The following ARMC9 variants were observed in gnomAD, a reference collection of about 807,000 sequenced individuals.
ARMC9 encodes armadillo repeat containing 9.
In ARMC9, 94 loss-of-function variants were observed where a neutral mutation model predicts 107.0. The ratio of observed to expected loss-of-function variants is 0.88; its 90% CI spans 0.74 to 1.04. The LOEUF (loss-of-function observed/expected upper bound fraction) is 1.04. Ranked by LOEUF, ARMC9 falls within the 50% of genes least tolerant of loss-of-function variation. ARMC9 has a pLI of 0.00. For missense variants in ARMC9, 942 were observed against 1,030.1 expected (o/e 0.91, Z 1.17); for synonymous variants, 380 against 396.9 (o/e 0.96, Z 0.51).
rs542777185 is a variant in ARMC9 at position 231,344,997 on chromosome 2, C to T, written c.1901C>T (p.Thr634Ile). ...YLGIMTNTGK[T>I]RRKGLANVQW... ...CAGATCATGACCAACACGGGGAAGA[C>T]AAGGCGGAAGGGGCTGGCTAATGTG... is the stretch of plus-strand genomic sequence containing the variant. The change falls in exon 21 of 25, where the codon ACA (threonine) becomes ATA (isoleucine). Residue 634 changes from threonine to isoleucine, a missense_variant. Coordinates refer to ENST00000611582, the MANE Select transcript of ARMC9 (RefSeq NM_001352754.2). The T allele has an allele frequency of 1.2e-6, 2 of 1,613,990 alleles. No individual in the cohort carries two copies. The highest frequency in any genetic ancestry group is 4.5e-5 in the East Asian group (2 of 44,868).
intron 19 of ARMC9, among the ~76,000 whole-genome samples, chr2:231,324,656 A>C (rs1468569378): frequency 6.6e-6 from 1 of 152,028 alleles, no homozygotes; most frequent in South Asian, 2.1e-4. Context: ...AGGCGAGAGA[A>C]TCACTTGAAC....
intron 19 of ARMC9, among the ~76,000 whole-genome samples, chr2:231,320,360 A>T (rs1288835355): frequency 2.0e-5 from 3 of 152,218 alleles, no homozygotes; most frequent in Non-Finnish European, 2.9e-5. Context: ...CATTCACATG[A>T]TGCCTTTTAA....
intron 19 of ARMC9, among the ~76,000 whole-genome samples, chr2:231,309,872 C>T (rs2042239334): frequency 2.0e-5 from 3 of 152,098 alleles, no homozygotes; most frequent in East Asian, 3.9e-4. Flanking sequence ...TGGCTTGCAT[C>T]GCTGCTTGGT....
chr2:231,273,093 A>C lies in ARMC9; in HGVS notation c.1334+15A>C, dbSNP rs369915627. The stretch of plus-strand genomic sequence containing the variant: ...TTCAGTCTCAGGTAACGACTGTGCA[A>C]TAGGTCACGGTGTCTCCTGTGAGAT... On this transcript the variant is annotated intron_variant, in intron 14 of 24. Coordinates refer to ENST00000611582, the MANE Select transcript of ARMC9 (RefSeq NM_001352754.2). 6.2e-7 allele frequency: 1 copy of C among 1,610,338 alleles called. No individual in the cohort carries two copies. Among genetic ancestry groups the C allele is most frequent in the East Asian group, 2.2e-5 (1 of 44,792 alleles).
intron 23 of ARMC9, among the ~76,000 whole-genome samples, chr2:231,364,714 T>TGC (rs1190896034): frequency 1.3e-5 from 2 of 151,840 alleles, no homozygotes; most frequent in Non-Finnish European, 2.9e-5. Flanking sequence ...AGGAGAATCA[T>TGC]TTGAACCCAG....
In ARMC9 at chr2:231,255,853, C is replaced by T. The variant is rs1247923545; in HGVS notation, c.880-733C>T. 1.3e-5 allele frequency among the ~76,000 whole-genome samples: 2 copies of T among 152,092 alleles called. No individual in the cohort carries two copies. Among genetic ancestry groups the T allele is most frequent in the Non-Finnish European group, 2.9e-5 (2 of 68,016 alleles). On this transcript the variant is annotated intron_variant, in intron 9 of 24. Coordinates refer to ENST00000611582, the MANE Select transcript of ARMC9 (RefSeq NM_001352754.2). This position sits in a 1 kb window ranked among gnomAD's most constrained non-coding sequence, Gnocchi z 4.7. ...GAGATTGAGACCATCCTGGCTAACA[C>T]GGTGAAACCCCGTTTCTACTAAAAA... is the stretch of plus-strand genomic sequence containing the variant.
chr2:231,217,869 T>G (rs1265312480), intron 5 of ARMC9, among the ~76,000 whole-genome samples: 3 of 152,110 alleles, frequency 2.0e-5, no homozygotes, highest in Non-Finnish European at 4.4e-5. Flanking sequence ...ATTGTTGTAT[T>G]TTTAGTAGAG....
chr2:231,212,237 G>A (rs992352830), intron 3 of ARMC9, among the ~76,000 whole-genome samples: 2 of 152,124 alleles, frequency 1.3e-5, no homozygotes, highest in African/African-American at 4.8e-5. Context: ...CTTTGATCAT[G>A]GTTTATAGAA....
intron 9 of ARMC9, among the ~76,000 whole-genome samples, chr2:231,242,536 A>G (rs1379024685): frequency 6.6e-6 from 1 of 152,186 alleles, no homozygotes; most frequent in Non-Finnish European, 1.5e-5. Context: ...TTGAAGCCAC[A>G]TCCCCGAGAA....
intron 18 of ARMC9, among the ~76,000 whole-genome samples, chr2:231,292,189 TC>T (rs1348227754): frequency 6.6e-6 from 1 of 150,458 alleles, no homozygotes; most frequent in Middle Eastern, 3.3e-3. Context: ...AAAAAAAAGT[TC>T]CGCCAGGTAG....
At chr2:231,251,874 C>T (rs548851740) in intron 9 of ARMC9, among the ~76,000 whole-genome samples, 61 of 152,212 alleles carry the variant, frequency 4.0e-4, no homozygotes, top group African/African-American at 1.4e-3. Context: ...TACAGGTGTG[C>T]ACCACCACAC....
intron 19 of ARMC9, among the ~76,000 whole-genome samples, chr2:231,306,930 G>A (rs769463864): frequency 1.3e-5 from 2 of 152,304 alleles, no homozygotes; most frequent in South Asian, 4.1e-4. Context: ...AGAGCCACAG[G>A]TGGCCTTAGC....
intron 6 of ARMC9, 95 bp downstream of exon 6, chr2:231,222,915 T>A: frequency 1.4e-6 from 1 of 714,118 alleles, no homozygotes; most frequent in Non-Finnish European, 2.3e-6. Context: ...GTTGCCTCAT[T>A]AAATCGGGAT....
At chr2:231,218,518 G>T (rs1037457520) in intron 5 of ARMC9, among the ~76,000 whole-genome samples, 1 of 152,148 alleles carries the variant, frequency 6.6e-6, no homozygotes, top group African/African-American at 2.4e-5. Context: ...GATCCAGGTG[G>T]CAGTAGAGCT....
At position 231,273,016 on chromosome 2, in the gene ARMC9, G is replaced by C; in HGVS notation, c.1272G>C (p.Glu424Asp). The C allele has an allele frequency of 1.2e-6, 2 of 1,614,020 alleles. No homozygotes were observed. The highest frequency in any genetic ancestry group is 1.1e-5 in the South Asian group (1 of 91,074). ...AGATGCTGGAGGGAAGGCTGAAGGA[G>C]GAGGACAAGGATATCATCACCAGGG... Reference protein sequence around the residue: ...VLQMLEGRLKEEDKDIITREN... With the variant: ...VLQMLEGRLKDEDKDIITREN... The change falls in exon 14 of 25, where the codon GAG becomes GAC. Residue 424 changes from glutamate to aspartate, a missense_variant. Transcript: ENST00000611582.
At chr2:231,308,965 C>A (rs575496976) in intron 19 of ARMC9, among the ~76,000 whole-genome samples, 2 of 152,246 alleles carry the variant, frequency 1.3e-5, no homozygotes, top group Admixed American at 6.5e-5. Flanking sequence ...TTCTAATCCC[C>A]GTTACCTAAT....
At chr2:231,311,147 T>C (rs1188699052) in intron 19 of ARMC9, among the ~76,000 whole-genome samples, 1 of 151,884 alleles carries the variant, frequency 6.6e-6, no homozygotes, top group African/African-American at 2.4e-5. Flanking sequence ...AAAATAAAAA[T>C]AGAAAAAGAC....
At chr2:231,294,153 A>C (rs1381689870) in intron 18 of ARMC9, 5 of 152,268 alleles carry the variant, frequency 3.3e-5, no homozygotes, top group African/African-American at 9.6e-5. Context: ...TCAAGTATTA[A>C]AATTCAAGTA....
chr2:231,280,465 T>A (rs2040125818), intron 16 of ARMC9, among the ~76,000 whole-genome samples: 1 of 151,452 alleles, frequency 6.6e-6, no homozygotes, highest in African/African-American at 2.4e-5. Context: ...CTCAAAAAAA[T>A]AAATAAATAA....
Sources: allele counts gnomAD v4.1 joint callset (sites outside exome capture counted in the v4.1 genomes callset), GRCh38; gene constraint gnomAD v4.1.1; non-coding constraint Gnocchi (gnomAD v3.1); transcripts MANE v1.5; gene names NCBI Gene and HGNC (gene_info 2026-07-23, HGNC 2026-07-21).